Variants in GLIS3 observed in about 807,000 individuals in gnomAD.
GLIS3 encodes the protein GLIS family zinc finger 3, also known as zinc finger protein GLIS3.
GLIS3 carries 53 observed loss-of-function variants against 78.6 expected under a neutral mutation model. The observed-to-expected ratio is 0.67, with a 90% CI of 0.54 to 0.85. GLIS3 has a LOEUF of 0.85. Among genes scored for constraint, GLIS3 ranks in the 40% least tolerant of loss-of-function variants. The pLI is 0.00. For synonymous variants in GLIS3, 684 were observed against 509.9 expected (o/e 1.34, Z -4.60); for missense variants, 1,703 against 1,231.1 (o/e 1.38, Z -5.74).
intron 2 of GLIS3, among the ~76,000 whole-genome samples, chr9:4,171,992 G>C (rs774335091): frequency 5.9e-5 from 9 of 152,116 alleles, no homozygotes; most frequent in Non-Finnish European, 1.2e-4. Context: ...TTTTGTGGTA[G>C]TTTGGTTTTT....
At chr9:3,902,499 A>ATAT (rs1217195462) in intron 6 of GLIS3, among the ~76,000 whole-genome samples, 1 of 152,240 alleles carries the variant, frequency 6.6e-6, no homozygotes, top group Non-Finnish European at 1.5e-5. Context: ...TGCATAATGT[A>ATAT]TATTTTACCA....
chr9:4,316,768 C>G (rs1817443077), intron 2 of GLIS3, among the ~76,000 whole-genome samples: 1 of 152,146 alleles, frequency 6.6e-6, no homozygotes. Flanking sequence ...CTGGAATAAG[C>G]TGGTACATAA....
chr9:3,923,415 C>T (rs1003697172), intron 6 of GLIS3, among the ~76,000 whole-genome samples: 2 of 151,844 alleles, frequency 1.3e-5, no homozygotes, highest in South Asian at 2.1e-4. Context: ...AGCATAGAGA[C>T]GAATATAGTC....
intron 4 of GLIS3, among the ~76,000 whole-genome samples, chr9:4,067,001 A>G (rs1284539642): frequency 6.6e-6 from 1 of 152,180 alleles, no homozygotes; most frequent in East Asian, 1.9e-4. Context: ...AGTGACATGC[A>G]GCCAGACCCT....
intron 4 of GLIS3, among the ~76,000 whole-genome samples, chr9:3,974,457 T>G (rs991466): frequency 0.026 from 3,895 of 152,252 alleles, 61 homozygotes; most frequent in Middle Eastern, 0.037. Flanking sequence ...CTGTCCCCAT[T>G]TGAAATCTCT....
At chr9:4,245,547 G>C (rs912498672) in intron 2 of GLIS3, among the ~76,000 whole-genome samples, 3 of 152,238 alleles carry the variant, frequency 2.0e-5, no homozygotes, top group African/African-American at 7.2e-5. Flanking sequence ...TAAATGTAAG[G>C]ATGTGCAGTG....
intron 9 of GLIS3, chr9:3,855,780 C>G (rs1024668146): frequency 2.8e-5 from 15 of 531,938 alleles, no homozygotes; most frequent in African/African-American, 7.6e-5. Context: ...AAACCAGCAA[C>G]TTGAGCTGAC....
chr9:4,314,129 G>T (rs778901046), intron 2 of GLIS3, among the ~76,000 whole-genome samples: 29 of 152,164 alleles, frequency 1.9e-4, no homozygotes, highest in Non-Finnish European at 4.3e-4. Flanking sequence ...AGCAATGTGG[G>T]AATAGTAATA....
At chr9:4,126,435 T>C (rs190539049) in intron 2 of GLIS3, among the ~76,000 whole-genome samples, 1 of 152,212 alleles carries the variant, frequency 6.6e-6, no homozygotes, top group East Asian at 1.9e-4. Flanking sequence ...CTACTCTTGA[T>C]TTTTTTTCTC....
At chr9:4,193,281 A>G (rs1421614608) in intron 2 of GLIS3, among the ~76,000 whole-genome samples, 3 of 152,266 alleles carry the variant, frequency 2.0e-5, no homozygotes, top group African/African-American at 7.2e-5. Flanking sequence ...AAATTACATG[A>G]AATTCAAATC....
At chr9:4,482,156 G>A in the GLIS3 span, among the ~76,000 whole-genome samples, 1 of 152,198 alleles carries the variant, frequency 6.6e-6, no homozygotes, top group African/African-American at 2.4e-5. Flanking sequence ...TACAGCTTGT[G>A]TGAGGCAGAC....
chr9:4,435,809 C>A, the GLIS3 span, among the ~76,000 whole-genome samples: 1 of 152,034 alleles, frequency 6.6e-6, no homozygotes, highest in Non-Finnish European at 1.5e-5. Context: ...ATTAGCCGGG[C>A]GTGGTGGCAG....
chr9:4,395,753 C>T, the GLIS3 span, among the ~76,000 whole-genome samples: 1 of 151,096 alleles, frequency 6.6e-6, no homozygotes, highest in Non-Finnish European at 1.5e-5. Flanking sequence ...AATAATTGGT[C>T]ACCATTTTCT....
intron 4 of GLIS3, among the ~76,000 whole-genome samples, chr9:4,083,467 G>C (rs1377657779): frequency 6.6e-6 from 1 of 152,086 alleles, no homozygotes; most frequent in East Asian, 1.9e-4. Flanking sequence ...ATGAATGTTT[G>C]AAGTGGAGAA....
intron 2 of GLIS3, among the ~76,000 whole-genome samples, chr9:4,326,795 G>C (rs1001282546): frequency 1.3e-5 from 2 of 152,096 alleles, no homozygotes; most frequent in Non-Finnish European, 2.9e-5. Context: ...AAGTGCCTGC[G>C]AAGGAGAAAG....
At chr9:4,264,771 AT>A (rs1178452607) in intron 2 of GLIS3, among the ~76,000 whole-genome samples, 1 of 152,136 alleles carries the variant, frequency 6.6e-6, no homozygotes, top group Non-Finnish European at 1.5e-5. Flanking sequence ...CATCATAGGT[AT>A]TTACTCACTG....
At chr9:3,839,787 A>G (rs923960783) in intron 9 of GLIS3, among the ~76,000 whole-genome samples, 1 of 152,208 alleles carries the variant, frequency 6.6e-6, no homozygotes, top group East Asian at 1.9e-4. Context: ...GTTGCAGGCA[A>G]AGTTACCCAG....
At chr9:4,062,214 G>A (rs900752154) in intron 4 of GLIS3, among the ~76,000 whole-genome samples, 2 of 152,204 alleles carry the variant, frequency 1.3e-5, no homozygotes. Context: ...TTACCCCTGT[G>A]CCTTAGCGAC....
the GLIS3 span, among the ~76,000 whole-genome samples, chr9:4,378,622 AAGAG>A: frequency 3.3e-5 from 5 of 152,190 alleles, no homozygotes; most frequent in African/African-American, 4.8e-5. Flanking sequence ...TGAAAACAGA[AAGAG>A]AGATTCCATT....
Sources: gnomAD v4.1 joint callset for allele counts (sites outside exome capture counted in the v4.1 genomes callset) on GRCh38, gnomAD v4.1.1 for gene constraint, MANE v1.5 for transcripts, NCBI Gene and HGNC (gene_info 2026-07-23, HGNC 2026-07-21) for gene names.